Variants in ZNF804A observed in about 807,000 individuals in gnomAD.
ZNF804A encodes zinc finger protein 804A.
A neutral mutation model predicts 16.5 loss-of-function variants in ZNF804A; 2 were observed. That is an observed-to-expected ratio of 0.12 (90% CI 0.05 to 0.38). The LOEUF is 0.38. Ranked by LOEUF, ZNF804A falls within the 10% of genes least tolerant of loss-of-function variation. ZNF804A has a pLI of 0.99. For synonymous variants in ZNF804A, 534 were observed against 489.6 expected, an observed-to-expected ratio of 1.09 and a Z score of -1.20; for missense variants, 1,473 against 1,390.7, an observed-to-expected ratio of 1.06 and a Z score of -0.94.
At position 184,931,204 on chromosome 2, in the gene ZNF804A, G is replaced by C. The variant is rs551846237; in HGVS notation, c.256-2399G>C. On this transcript the variant is annotated intron_variant, in intron 2 of 3. Coordinates refer to ENST00000302277, the MANE Select transcript of ZNF804A (RefSeq NM_194250.2). ...CTGTTGGTGGATCTACCATTCTGCT[G>C]TCTGGAGGACAGTGGCCATCTTCTC... is the stretch of plus-strand genomic sequence containing the variant. 5.9e-5 allele frequency among the ~76,000 whole-genome samples: 9 copies of C among 152,352 alleles called. No homozygotes were observed. In the East Asian group the frequency reaches 7.7e-4, roughly 13 times the overall value.
chr2:184,701,892 C>T (rs1247525018), intron 1 of ZNF804A, among the ~76,000 whole-genome samples: 2 of 151,866 alleles, frequency 1.3e-5, no homozygotes, highest in Non-Finnish European at 1.5e-5. Flanking sequence ...TATTAAGACT[C>T]TCTGAGTGCA....
intron 1 of ZNF804A, among the ~76,000 whole-genome samples, chr2:184,793,639 G>A (rs1694587048): frequency 6.6e-6 from 1 of 152,014 alleles, no homozygotes; most frequent in Admixed American, 6.6e-5. Flanking sequence ...GTTCTTTAAT[G>A]GCAATTTATA....
chr2:184,713,764 G>A (rs1693171413), intron 1 of ZNF804A, among the ~76,000 whole-genome samples: 1 of 151,898 alleles, frequency 6.6e-6, no homozygotes, highest in African/African-American at 2.4e-5. Flanking sequence ...GTGCTAGCTA[G>A]GAAACAACTA....
At position 184,889,473 on chromosome 2, in the gene ZNF804A, A is replaced by G. The variant is rs190966516; in HGVS notation, c.255+22961A>G. On this transcript the variant is annotated intron_variant, in intron 2 of 3. Transcript: ENST00000302277. ...AGTGCCATGAATCATTTGATTGGAAATTTAATTACTAGTATAAAAATAACA... is the reference window on the plus strand; with the variant it reads ...AGTGCCATGAATCATTTGATTGGAAGTTTAATTACTAGTATAAAAATAACA... Among the ~76,000 whole-genome samples the G allele has an allele frequency of 3.7e-3, 562 of 152,120 alleles. 3 individuals carry two copies. The highest frequency in any genetic ancestry group is 6.1e-3 in the Non-Finnish European group (414 of 67,924).
At chr2:184,856,984 T>C (rs1695699449) in intron 1 of ZNF804A, among the ~76,000 whole-genome samples, 1 of 152,118 alleles carries the variant, frequency 6.6e-6, no homozygotes, top group Admixed American at 6.5e-5. Flanking sequence ...TTGATTTTGT[T>C]CTGGTCTTTA....
At chr2:184,860,976 G>A (rs1022757871) in intron 1 of ZNF804A, among the ~76,000 whole-genome samples, 6 of 152,308 alleles carry the variant, frequency 3.9e-5, no homozygotes, top group Admixed American at 3.3e-4. Context: ...CAGAGCCTGG[G>A]GCTACTGAGG....
intron 1 of ZNF804A, among the ~76,000 whole-genome samples, chr2:184,836,079 T>TA (rs138258166): frequency 0.12 from 17,975 of 152,184 alleles, 1,616 homozygotes; most frequent in African/African-American, 0.25. Context: ...CTCCTTTCCC[T>TA]ATCTATAAAT....
intron 2 of ZNF804A, among the ~76,000 whole-genome samples, chr2:184,907,104 T>G (rs1685288193): frequency 6.6e-6 from 1 of 152,184 alleles, no homozygotes; most frequent in African/African-American, 2.4e-5. Context: ...ACCCAGTCTT[T>G]GATCCCAGTC....
intron 1 of ZNF804A, among the ~76,000 whole-genome samples, chr2:184,653,193 G>C (rs895838974): frequency 6.6e-6 from 1 of 152,122 alleles, no homozygotes; most frequent in Non-Finnish European, 1.5e-5. Flanking sequence ...AAATCATGTT[G>C]CATGATTGGG....
intron 1 of ZNF804A, among the ~76,000 whole-genome samples, chr2:184,846,685 C>A (rs1695521827): frequency 6.6e-6 from 1 of 151,994 alleles, no homozygotes. Flanking sequence ...ATATACTATC[C>A]TTCAGATTTT....
chr2:184,844,174 A>ACCC (rs141470485), intron 1 of ZNF804A, among the ~76,000 whole-genome samples: 1 of 145,800 alleles, frequency 6.9e-6, no homozygotes, highest in African/African-American at 2.5e-5. Flanking sequence ...TCCTAATTAT[A>ACCC]CCCCCCCCCA....
rs538576869 is a variant in ZNF804A at position 184,829,890 on chromosome 2, T to G, written c.112-36479T>G. 1.6e-4 allele frequency among the ~76,000 whole-genome samples: 18 copies of G among 114,838 alleles called. No homozygotes were observed. The South Asian group carries it at 4.1e-3, about 26-fold the overall frequency. The allele number at this position is 114,838 out of a possible 152,430, so 75.3% of individuals were successfully genotyped here. A position where few individuals can be genotyped will look rare whatever the true frequency, so the allele number is the denominator to read the frequency against. On this transcript the variant is annotated intron_variant, in intron 1 of 3. Transcript: ENST00000302277. ...CAACCAGGGCAACATGTCAAAACCC[T>G]GTCTCTACCAAAAAAAAAAAAAAAA...
intron 2 of ZNF804A, among the ~76,000 whole-genome samples, chr2:184,905,894 T>G (rs1558998725): frequency 1.3e-5 from 2 of 152,198 alleles, no homozygotes; most frequent in African/African-American, 4.8e-5. Context: ...ATTTGTGTAC[T>G]TGGTGATATA....
intron 1 of ZNF804A, among the ~76,000 whole-genome samples, chr2:184,848,807 C>G (rs1035625562): frequency 6.6e-6 from 1 of 151,972 alleles, no homozygotes; most frequent in Non-Finnish European, 1.5e-5. Context: ...ATTATTGGAA[C>G]AATTTTAACT....
intron 1 of ZNF804A, among the ~76,000 whole-genome samples, chr2:184,619,274 TAAC>T (rs1204184352): frequency 1.3e-5 from 2 of 152,082 alleles, no homozygotes; most frequent in Non-Finnish European, 1.5e-5. Context: ...CTGATCAAGA[TAAC>T]AACTATAATG....
At chr2:184,653,706 A>G (rs1488206288) in intron 1 of ZNF804A, among the ~76,000 whole-genome samples, 1 of 152,180 alleles carries the variant, frequency 6.6e-6, no homozygotes, top group Non-Finnish European at 1.5e-5. Flanking sequence ...GGAGGTGAGC[A>G]TGCACAGTGC....
chr2:184,677,566 A>T (rs1692459388), intron 1 of ZNF804A, among the ~76,000 whole-genome samples: 1 of 152,054 alleles, frequency 6.6e-6, no homozygotes, highest in African/African-American at 2.4e-5. Flanking sequence ...TATTTAGGGC[A>T]TAAATTGATC....
chr2:184,764,313 T>A (rs1164451761), intron 1 of ZNF804A, among the ~76,000 whole-genome samples: 1 of 152,312 alleles, frequency 6.6e-6, no homozygotes, highest in Admixed American at 6.5e-5. Context: ...GGTCATTAAT[T>A]TTAGCCAAAA....
At chr2:184,759,942 G>A (rs111944940) in intron 1 of ZNF804A, among the ~76,000 whole-genome samples, 1 of 152,188 alleles carries the variant, frequency 6.6e-6, no homozygotes, top group African/African-American at 2.4e-5. Context: ...CAGCCCACCT[G>A]CACCCAGGTG....
Sources: gnomAD v4.1 joint callset for allele counts (sites outside exome capture counted in the v4.1 genomes callset) on GRCh38, gnomAD v4.1.1 for gene constraint, MANE v1.5 for transcripts, NCBI Gene and HGNC (gene_info 2026-07-23, HGNC 2026-07-21) for gene names.